TRPS1: variants seen among roughly 807,000 people sequenced by gnomAD.
TRPS1 encodes zinc finger transcription factor Trps1.
TRPS1 carries 6 observed loss-of-function variants against 101.2 expected under a neutral mutation model. The ratio of observed to expected loss-of-function variants is 0.06; its 90% CI spans 0.03 to 0.12. The LOEUF is 0.12. Among genes scored for constraint, TRPS1 ranks in the 10% least tolerant of loss-of-function variants. The probability of loss-of-function intolerance (pLI) is 1.00; values close to 1 mark genes in which losing one functional copy is unlikely to be tolerated. For synonymous variants in TRPS1, 578 were observed against 589.8 expected (o/e 0.98, Z 0.29); for missense variants, 1,363 against 1,567.0 (o/e 0.87, Z 2.20).
At chr8:115,637,079 G>C (rs926317418) in intron 1 of TRPS1, among the ~76,000 whole-genome samples, 6 of 152,162 alleles carry the variant, frequency 3.9e-5, no homozygotes, top group African/African-American at 1.4e-4. Context: ...AGATGAGAGT[G>C]AAGATTATCC....
intron 5 of TRPS1, among the ~76,000 whole-genome samples, chr8:115,535,484 T>G (rs1479488123): frequency 7.0e-6 from 1 of 143,654 alleles, no homozygotes; most frequent in Non-Finnish European, 1.5e-5. Context: ...CACACATATA[T>G]AGCATATATA....
intron 5 of TRPS1, among the ~76,000 whole-genome samples, chr8:115,566,847 C>G (rs1817079405): frequency 6.6e-6 from 1 of 151,998 alleles, no homozygotes; most frequent in East Asian, 1.9e-4. Flanking sequence ...TTCATCAAAC[C>G]ATTCTGTGAA....
At chr8:115,614,775 C>G (rs937820270) in intron 3 of TRPS1, among the ~76,000 whole-genome samples, 2 of 151,980 alleles carry the variant, frequency 1.3e-5, no homozygotes, top group South Asian at 2.1e-4. Flanking sequence ...TACTCCAGAT[C>G]AAAGAAAATG....
chr8:115,603,935 T>C lies in TRPS1; in HGVS notation c.2034A>G (p.Glu678=). The C allele has an allele frequency of 6.2e-7, 1 of 1,614,002 alleles. No homozygotes were observed. The highest frequency in any genetic ancestry group is 1.1e-5 in the South Asian group (1 of 91,082). The change falls in exon 4 of 7, where the codon GAA becomes GAG. Residue 678 remains glutamate (E), a synonymous_variant. Transcript: ENST00000395715. ...TAAAATCACATTTGGTACATGAGTG[T>C]TCTTTGCTTTCCTTGACAGACTGCT... ...DGQQSVKESK[E]HSCTKCDFIT...
intron 5 of TRPS1, among the ~76,000 whole-genome samples, chr8:115,499,917 TTCTTTC>T (rs1815260918): frequency 5.3e-5 from 4 of 75,038 alleles, no homozygotes; most frequent in Non-Finnish European, 9.1e-5. Flanking sequence ...AGTGCTAAAT[TTCTTTC>T]TTTCTTTCTT....
intron 4 of TRPS1, 72 bp from the exon 5 acceptor site, chr8:115,587,676 G>T (rs1817597547): frequency 1.2e-6 from 2 of 1,607,300 alleles, no homozygotes. Flanking sequence ...TAGCCTTTAA[G>T]CACCTGAATT....
intron 5 of TRPS1, among the ~76,000 whole-genome samples, chr8:115,472,615 G>A (rs1814500212): frequency 1.3e-5 from 2 of 152,242 alleles, no homozygotes; most frequent in Non-Finnish European, 2.9e-5. Context: ...CTTTTGTATT[G>A]CATTGTCAGG....
chr8:115,662,146 A>AACTC (rs1450431379), intron 1 of TRPS1, among the ~76,000 whole-genome samples: 1 of 152,026 alleles, frequency 6.6e-6, no homozygotes, highest in Non-Finnish European at 1.5e-5. Flanking sequence ...TAGAGTCTGT[A>AACTC]ACTCTCGCAA....
chr8:115,458,185 A>G (rs1423623619), intron 5 of TRPS1, among the ~76,000 whole-genome samples: 2 of 152,178 alleles, frequency 1.3e-5, no homozygotes, highest in African/African-American at 4.8e-5. Context: ...GATTTGGTAG[A>G]TAACAGAATG....
intron 2 of TRPS1, among the ~76,000 whole-genome samples, chr8:115,622,121 G>T (rs887982284): frequency 6.6e-6 from 1 of 152,032 alleles, no homozygotes; most frequent in Non-Finnish European, 1.5e-5. Flanking sequence ...AGGAAAGAAG[G>T]GGAATATGAG....
chr8:115,587,708 A>G, intron 4 of TRPS1, 104 bp from the exon 5 acceptor site: 2 of 1,578,000 alleles, frequency 1.3e-6, no homozygotes, highest in Admixed American at 1.7e-5. Context: ...CATGCAATAT[A>G]GTAGGTAGAA....
intron 1 of TRPS1, among the ~76,000 whole-genome samples, chr8:115,636,435 T>C (rs1428063793): frequency 6.6e-6 from 1 of 152,208 alleles, no homozygotes; most frequent in Non-Finnish European, 1.5e-5. Flanking sequence ...AATTTATTCA[T>C]ATATTATGTA....
intron 5 of TRPS1, among the ~76,000 whole-genome samples, chr8:115,535,917 C>A (rs1816308395): frequency 6.6e-6 from 1 of 151,934 alleles, no homozygotes; most frequent in Non-Finnish European, 1.5e-5. Context: ...GCTCAAAAGT[C>A]TCACAGTTCA....
Position 115,408,545 on chromosome 8 carries a change from A to G in TRPS1, c.*5478T>C, listed in dbSNP as rs1812710213. On this transcript the variant is annotated 3_prime_UTR_variant, in exon 7 of 7. Coordinates refer to ENST00000395715, the MANE Select transcript of TRPS1 (RefSeq NM_014112.5). ...TTATTCAAGTTTAGATGTAACAGAC[A>G]TCTTTGCTGCCTGAAGATTGTTTGC... The G allele has an allele frequency of 1.3e-5, 2 of 150,634 alleles. No individual in the cohort carries two copies. Among genetic ancestry groups the G allele is most frequent in the African/African-American group, 4.9e-5 (2 of 40,980 alleles). 9.3% of individuals were successfully genotyped at this position (150,634 alleles called of 1,614,324 possible). A position where few individuals can be genotyped will look rare whatever the true frequency, so the allele number is the denominator to read the frequency against.
intron 1 of TRPS1, among the ~76,000 whole-genome samples, chr8:115,629,691 G>C (rs545804176): frequency 1.3e-5 from 2 of 151,906 alleles, no homozygotes; most frequent in East Asian, 3.9e-4. Context: ...TATGGAATGT[G>C]GAAAGACCCA....
intron 5 of TRPS1, among the ~76,000 whole-genome samples, chr8:115,430,640 T>C (rs1813295570): frequency 6.6e-6 from 1 of 152,054 alleles, no homozygotes; most frequent in Admixed American, 6.6e-5. Flanking sequence ...AAAGGAACAG[T>C]CCCTGCTTGT....
chr8:115,535,719 T>C lies in TRPS1; in HGVS notation c.2700+51282A>G, dbSNP rs529293800. Among the ~76,000 whole-genome samples the C allele has an allele frequency of 2.5e-4, 37 of 150,974 alleles. 1 individual carries two copies. The South Asian group carries it at 5.6e-3, about 23-fold the overall frequency. ...TACTAAAAATACAAAAAAAATTACA[T>C]ATATATGCTAAGTTTTTTCATATAT... On this transcript the variant is annotated intron_variant, in intron 5 of 6. Coordinates refer to ENST00000395715, the MANE Select transcript of TRPS1 (RefSeq NM_014112.5).
At chr8:115,497,332 A>C (rs966740673) in intron 5 of TRPS1, among the ~76,000 whole-genome samples, 2 of 152,194 alleles carry the variant, frequency 1.3e-5, no homozygotes, top group African/African-American at 4.8e-5. Context: ...CTCCTATGCG[A>C]ATCTAAGGCA....
chr8:115,574,286 G>A (rs1817269194), intron 5 of TRPS1, among the ~76,000 whole-genome samples: 1 of 152,098 alleles, frequency 6.6e-6, no homozygotes, highest in Non-Finnish European at 1.5e-5. Context: ...TTTGAGTACA[G>A]GTTAGTTTGG....
Sources: gnomAD v4.1 joint callset for allele counts (sites outside exome capture counted in the v4.1 genomes callset) on GRCh38, gnomAD v4.1.1 for gene constraint, MANE v1.5 for transcripts, NCBI Gene and HGNC (gene_info 2026-07-23, HGNC 2026-07-21) for gene names.